The following SCAND3 variants were observed in gnomAD, a reference collection of about 807,000 sequenced individuals.
SCAND3 encodes SCAN domain containing 3.
At chr6:28,596,637 C>T in the SCAND3 span, among the ~76,000 whole-genome samples, 1 of 151,678 alleles carries the variant, frequency 6.6e-6, no homozygotes, top group African/African-American at 2.4e-5. Context: ...TTTTTTTCTC[C>T]CAAGGCCCAC....
the SCAND3 span, among the ~76,000 whole-genome samples, chr6:28,595,722 C>CA: frequency 0.31 from 42,615 of 138,572 alleles, 7,305 homozygotes; most frequent in African/African-American, 0.5. Flanking sequence ...AACTCCGTCT[C>CA]AAAAAAAAAA....
At chr6:28,610,001 G>A in the SCAND3 span, among the ~76,000 whole-genome samples, 1 of 152,160 alleles carries the variant, frequency 6.6e-6, no homozygotes, top group Non-Finnish European at 1.5e-5. Flanking sequence ...GAGGTGGGCT[G>A]ATCACTTGAG....
chr6:28,580,809 C>CA, the SCAND3 span, among the ~76,000 whole-genome samples: 1 of 133,532 alleles, frequency 7.5e-6, no homozygotes, highest in Non-Finnish European at 1.6e-5. Flanking sequence ...CCCACCCCCC[C>CA]AAGCACAAAC....
At chr6:28,610,097 G>A in the SCAND3 span, among the ~76,000 whole-genome samples, 2 of 152,098 alleles carry the variant, frequency 1.3e-5, no homozygotes, top group African/African-American at 2.4e-5. Flanking sequence ...GGTGGCAGGC[G>A]CCTGTAATCC....
At chr6:28,588,401 C>T in the SCAND3 span, among the ~76,000 whole-genome samples, 169 of 147,822 alleles carry the variant, frequency 1.1e-3, 1 homozygote, top group Admixed American at 4.1e-3. The surrounding 1 kb of genome is among the most constrained non-coding windows in gnomAD (Gnocchi z 4.1). Context: ...CCTTTACTGA[C>T]GAGCCTTACT....
the SCAND3 span, among the ~76,000 whole-genome samples, chr6:28,613,018 T>C: frequency 6.6e-6 from 1 of 152,202 alleles, no homozygotes; most frequent in Non-Finnish European, 1.5e-5. Context: ...ATCTCTTTAA[T>C]ATCTAGAGAC....
chr6:28,605,690 A>AC, the SCAND3 span, among the ~76,000 whole-genome samples: 1 of 150,782 alleles, frequency 6.6e-6, no homozygotes, highest in Non-Finnish European at 1.5e-5. Context: ...AAAAAAAAAA[A>AC]AAAAAATTAG....
chr6:28,600,268 C>T, the SCAND3 span, among the ~76,000 whole-genome samples: 5 of 152,208 alleles, frequency 3.3e-5, no homozygotes, highest in Admixed American at 3.3e-4. Context: ...GATCTGGACA[C>T]TTCACTAAAG....
the SCAND3 span, among the ~76,000 whole-genome samples, chr6:28,609,608 C>T: frequency 1.3e-5 from 2 of 152,162 alleles, no homozygotes; most frequent in South Asian, 2.1e-4. Context: ...GCAATGGCTG[C>T]TATAACCATG....
the SCAND3 span, chr6:28,593,546 G>C: frequency 6.6e-6 from 1 of 152,160 alleles, no homozygotes; most frequent in Non-Finnish European, 1.5e-5. Context: ...ATGGTGGTAC[G>C]CACCTCTAAT....
chr6:28,574,628 A>G, the SCAND3 span: 18 of 1,598,666 alleles, frequency 1.1e-5, no homozygotes, highest in Non-Finnish European at 1.4e-5. Flanking sequence ...CATCTACGGC[A>G]GATATTCAAT....
chr6:28,581,681 G>C, the SCAND3 span, among the ~76,000 whole-genome samples: 1 of 152,126 alleles, frequency 6.6e-6, no homozygotes, highest in Non-Finnish European at 1.5e-5. Flanking sequence ...AGTGAGAAAA[G>C]GTGAAACTAA....
the SCAND3 span, chr6:28,589,861 T>C: frequency 2.1e-5 from 3 of 144,782 alleles, no homozygotes; most frequent in African/African-American, 8.1e-5. Flanking sequence ...TGTTTGTTTT[T>C]TTTTTTTTTT....
the SCAND3 span, among the ~76,000 whole-genome samples, chr6:28,611,001 C>T: frequency 6.6e-6 from 1 of 152,154 alleles, no homozygotes; most frequent in Non-Finnish European, 1.5e-5. Context: ...AATTCATTAA[C>T]AGATCTATAC....
the SCAND3 span, among the ~76,000 whole-genome samples, chr6:28,595,315 A>C: frequency 2.3e-5 from 3 of 132,074 alleles, no homozygotes; most frequent in Non-Finnish European, 4.8e-5. Context: ...TCGGTGTTAG[A>C]GCAAAACCCA....
chr6:28,573,058 G>T, the SCAND3 span: 2 of 1,610,800 alleles, frequency 1.2e-6, no homozygotes. Context: ...ATACAGTTCT[G>T]AGCTAGTTGT....
chr6:28,579,104 G>C, the SCAND3 span, among the ~76,000 whole-genome samples: 2 of 152,152 alleles, frequency 1.3e-5, no homozygotes, highest in Non-Finnish European at 2.9e-5. This position sits in a 1 kb window ranked among gnomAD's most constrained non-coding sequence, Gnocchi z 4.5. Flanking sequence ...TTATCTGACT[G>C]TTTTAATTCA....
the SCAND3 span, chr6:28,597,775 C>A: frequency 2.6e-5 from 4 of 152,204 alleles, no homozygotes; most frequent in Admixed American, 6.5e-5. Context: ...CCGGATTATT[C>A]CTTCTCCTGA....
chr6:28,572,516 T>C, the SCAND3 span: 3 of 1,613,578 alleles, frequency 1.9e-6, no homozygotes, highest in East Asian at 2.2e-5. This position sits in a 1 kb window ranked among gnomAD's most constrained non-coding sequence, Gnocchi z 4.1. Flanking sequence ...GAAAAATAAG[T>C]TGCATTCTTC....
Sources: gnomAD v4.1 joint callset for allele counts (sites outside exome capture counted in the v4.1 genomes callset) on GRCh38, gnomAD v4.1.1 for gene constraint, Gnocchi (gnomAD v3.1) non-coding constraint, MANE v1.5 for transcripts, NCBI Gene and HGNC (gene_info 2026-07-23, HGNC 2026-07-21) for gene names.